The following RBFOX1 variants were observed in gnomAD, a reference collection of about 807,000 sequenced individuals.
The protein encoded by RBFOX1 is RNA binding protein fox-1 homolog 1.
In RBFOX1, 8 loss-of-function variants were observed where a neutral mutation model predicts 57.7. The observed-to-expected ratio is 0.14, with a 90% CI of 0.08 to 0.25. The LOEUF (loss-of-function observed/expected upper bound fraction) is 0.25. Ranked by LOEUF, RBFOX1 falls within the 10% of genes least tolerant of loss-of-function variation. RBFOX1 has a pLI of 1.00. For synonymous variants in RBFOX1, 326 were observed against 222.4 expected (o/e 1.47, Z -4.15); for missense variants, 611 against 548.5 (o/e 1.11, Z -1.14).
Position 7,335,567 on chromosome 16 carries a change from T to C in RBFOX1, c.28-182580T>C, listed in dbSNP as rs75498681. On this transcript the variant is annotated intron_variant, in intron 4 of 15. Coordinates refer to ENST00000550418, the MANE Select transcript of RBFOX1 (RefSeq NM_018723.4). ...AATTCAGACCAGCATCGCCCTGTTTTAGTTGCCTCAGATAAAGAAAAAAAA... is the reference window on the plus strand; with the variant it reads ...AATTCAGACCAGCATCGCCCTGTTTCAGTTGCCTCAGATAAAGAAAAAAAA... 3.4e-4 allele frequency among the ~76,000 whole-genome samples: 51 copies of C among 149,608 alleles called. No individual in the cohort carries two copies. The East Asian group carries it at 9.9e-3, about 29-fold the overall frequency.
chr16:7,347,917 C>T (rs1470759138), intron 4 of RBFOX1, among the ~76,000 whole-genome samples: 1 of 152,152 alleles, frequency 6.6e-6, no homozygotes, highest in Non-Finnish European at 1.5e-5. Context: ...GCACCCTATC[C>T]TGTGGCTGAC....
chr16:7,194,627 T>G (rs2086233358), intron 4 of RBFOX1, among the ~76,000 whole-genome samples: 1 of 152,172 alleles, frequency 6.6e-6, no homozygotes, highest in Admixed American at 6.5e-5. Flanking sequence ...TTTATTACAT[T>G]TAGAAAGTGG....
intron 4 of RBFOX1, among the ~76,000 whole-genome samples, chr16:7,214,103 T>G: frequency 6.6e-6 from 1 of 152,240 alleles, no homozygotes; most frequent in East Asian, 1.9e-4. Flanking sequence ...TCCACTTCTT[T>G]CCCCTGCTAC....
At chr16:6,960,787 CTG>C (rs2082802916) in intron 3 of RBFOX1, among the ~76,000 whole-genome samples, 1 of 151,896 alleles carries the variant, frequency 6.6e-6, no homozygotes, top group Non-Finnish European at 1.5e-5. Flanking sequence ...ATATCCCTGA[CTG>C]TAGGGATTGG....
intron 4 of RBFOX1, among the ~76,000 whole-genome samples, chr16:7,302,528 G>A (rs561591147): frequency 5.3e-5 from 8 of 151,830 alleles, no homozygotes; most frequent in Admixed American, 2.0e-4. Flanking sequence ...TCTCAGGTAC[G>A]GTTCCGTCCT....
chr16:6,958,885 G>C (rs2082380429), intron 3 of RBFOX1, among the ~76,000 whole-genome samples: 3 of 152,094 alleles, frequency 2.0e-5, no homozygotes, highest in African/African-American at 7.2e-5. Flanking sequence ...TGAGAACTGA[G>C]AAATGATACA....
chr16:6,804,690 C>G (rs563017216), intron 3 of RBFOX1, among the ~76,000 whole-genome samples: 8 of 152,272 alleles, frequency 5.3e-5, no homozygotes, highest in South Asian at 4.2e-4. Flanking sequence ...AATAAGAGTG[C>G]TGACCTCACA....
intron 4 of RBFOX1, among the ~76,000 whole-genome samples, chr16:7,092,277 A>T (rs1056115784): frequency 1.3e-5 from 2 of 152,340 alleles, no homozygotes; most frequent in Admixed American, 6.5e-5. Context: ...GAGAGCCAGA[A>T]ATGCTATCGC....
intron 4 of RBFOX1, among the ~76,000 whole-genome samples, chr16:7,351,235 C>G (rs1016642828): frequency 6.6e-6 from 1 of 152,338 alleles, no homozygotes; most frequent in East Asian, 1.9e-4. Context: ...TGAACAGGTT[C>G]TTTTACCTCT....
chr16:6,537,991 C>T (rs868310801), intron 2 of RBFOX1, among the ~76,000 whole-genome samples: 1 of 151,622 alleles, frequency 6.6e-6, no homozygotes, highest in African/African-American at 2.4e-5. Context: ...TTAATTCTAT[C>T]TTTGTTTATA....
intron 3 of RBFOX1, among the ~76,000 whole-genome samples, chr16:6,941,900 T>C (rs1252656383): frequency 6.6e-6 from 1 of 152,076 alleles, no homozygotes; most frequent in Non-Finnish European, 1.5e-5. Flanking sequence ...TTCAAATGCC[T>C]GTGCTCAAGC....
intron 4 of RBFOX1, among the ~76,000 whole-genome samples, chr16:5,942,504 G>C (rs528037729): frequency 1.1e-4 from 17 of 152,264 alleles, no homozygotes; most frequent in African/African-American, 4.1e-4. Flanking sequence ...GGTGCAATTG[G>C]GGAAGTTATT....
At chr16:6,915,846 C>T (rs1424977712) in intron 3 of RBFOX1, among the ~76,000 whole-genome samples, 1 of 152,074 alleles carries the variant, frequency 6.6e-6, no homozygotes, top group African/African-American at 2.4e-5. Context: ...GCCGCTATGC[C>T]CAGCCTTCAT....
At chr16:7,366,644 TTC>T (rs1469987338) in intron 4 of RBFOX1, among the ~76,000 whole-genome samples, 1 of 144,788 alleles carries the variant, frequency 6.9e-6, no homozygotes, top group African/African-American at 2.8e-5. Context: ...ATTGATAGTT[TTC>T]TTTTTTTTTT....
chr16:6,597,160 C>T (rs1191659731), intron 2 of RBFOX1, among the ~76,000 whole-genome samples: 3 of 152,140 alleles, frequency 2.0e-5, no homozygotes, highest in African/African-American at 4.8e-5. Flanking sequence ...TGAAACCTAG[C>T]AAATTTTATA....
At position 5,491,402 on chromosome 16, in the gene RBFOX1, C is replaced by G. The variant is rs541956370; in HGVS notation, c.258+24148C>G. ...ATGGAATCGCACAGTAGTGTGTATT[C>G]TTTTCTATCTGGCTTCCTTTGATGA... On this transcript the variant is annotated intron_variant, in intron 2 of 2. Transcript: ENST00000585867. Among the ~76,000 whole-genome samples the G allele has an allele frequency of 5.9e-5, 9 of 152,298 alleles. No homozygotes were observed. In the South Asian group the frequency reaches 1.9e-3, roughly 32 times the overall value.
Position 7,001,387 on chromosome 16 carries a change from TGTATGTGTATTTGTATATGTATA to T in RBFOX1, c.-15-50669_-15-50647del, listed in dbSNP as rs1568311571. 5.6e-4 allele frequency among the ~76,000 whole-genome samples: 75 copies of T among 133,156 alleles called. 2 individuals are homozygous for T. The highest frequency in any genetic ancestry group is 2.6e-3 in the African/African-American group (72 of 27,648). 87.4% of individuals were successfully genotyped at this position (133,156 alleles called of 152,430 possible). On this transcript the variant is annotated intron_variant, in intron 3 of 15. Coordinates refer to ENST00000550418, the MANE Select transcript of RBFOX1 (RefSeq NM_018723.4). Reference sequence around the variant, plus strand: ...GTGTATGTGTATGTGTATGTGTATGTGTATGTGTATTTGTATATGTATATGTATATGTATATGTATATGTATAT... The same window carrying T: ...GTGTATGTGTATGTGTATGTGTATGTTGTATATGTATATGTATATGTATAT...
intron 1 of RBFOX1, among the ~76,000 whole-genome samples, chr16:6,262,474 G>A (rs895287752): frequency 3.3e-5 from 5 of 152,064 alleles, no homozygotes; most frequent in African/African-American, 1.2e-4. Flanking sequence ...ATATGACACT[G>A]TTTGCCTCAT....
At chr16:7,584,786 A>G (rs2094005397) in intron 6 of RBFOX1, among the ~76,000 whole-genome samples, 1 of 152,234 alleles carries the variant, frequency 6.6e-6, no homozygotes, top group Non-Finnish European at 1.5e-5. Flanking sequence ...TTGATACTAT[A>G]AATATAGTAC....
Sources: allele counts gnomAD v4.1 joint callset (sites outside exome capture counted in the v4.1 genomes callset), GRCh38; gene constraint gnomAD v4.1.1; transcripts MANE v1.5; gene names NCBI Gene and HGNC (gene_info 2026-07-23, HGNC 2026-07-21).